Variants in TLL1 observed in about 807,000 individuals in gnomAD.
The protein encoded by TLL1 is tolloid like 1.
In TLL1, 49 loss-of-function variants were observed where a neutral mutation model predicts 128.2. The ratio of observed to expected loss-of-function variants is 0.38; its 90% CI spans 0.30 to 0.48. The LOEUF is 0.48. TLL1 is among the 20% of genes least tolerant of loss of function. The pLI, the probability that TLL1 is intolerant of heterozygous loss-of-function variation, is 0.96. For missense variants in TLL1, 1,123 were observed against 1,242.0 expected (o/e 0.90, Z 1.44); for synonymous variants, 454 against 418.8 (o/e 1.08, Z -1.03).
At chr4:166,018,292 A>T (rs1738045568) in intron 8 of TLL1, among the ~76,000 whole-genome samples, 1 of 152,170 alleles carries the variant, frequency 6.6e-6, no homozygotes, top group Non-Finnish European at 1.5e-5. Context: ...ATAACCATAT[A>T]CATAAATTAA....
intron 6 of TLL1, among the ~76,000 whole-genome samples, chr4:166,007,214 C>T (rs111406572): frequency 0.014 from 2,064 of 151,518 alleles, 47 homozygotes; most frequent in African/African-American, 0.047. Context: ...TTTCAAATTT[C>T]GAGAAATAAT....
At chr4:165,951,800 A>G (rs978642648) in intron 1 of TLL1, among the ~76,000 whole-genome samples, 1 of 152,148 alleles carries the variant, frequency 6.6e-6, no homozygotes, top group Non-Finnish European at 1.5e-5. Flanking sequence ...GAATATAAAC[A>G]TCTTGCTATA....
At chr4:165,994,979 C>A (rs562863609) in intron 4 of TLL1, 82 bp from the exon 5 acceptor site, 2 of 1,151,718 alleles carry the variant, frequency 1.7e-6, no homozygotes, top group African/African-American at 1.5e-5. Context: ...CACTGCTCAG[C>A]CAGACTTAGG....
At chr4:166,014,392 T>C in intron 7 of TLL1, 44 bp from the exon 8 acceptor site, 3 of 1,610,628 alleles carry the variant, frequency 1.9e-6, no homozygotes, top group Non-Finnish European at 2.5e-6. Flanking sequence ...TTCATGAGTT[T>C]TCATTTGGTG....
At chr4:166,052,087 T>C (rs1434311083) in intron 12 of TLL1, among the ~76,000 whole-genome samples, 1 of 152,124 alleles carries the variant, frequency 6.6e-6, no homozygotes, top group African/African-American at 2.4e-5. Context: ...GACCAGGCAA[T>C]ATATAAATTA....
chr4:166,017,802 C>A (rs532311884), intron 8 of TLL1, among the ~76,000 whole-genome samples: 2 of 152,100 alleles, frequency 1.3e-5, no homozygotes, highest in Admixed American at 1.3e-4. Flanking sequence ...AGCTTTGAGC[C>A]CTACATATAG....
chr4:166,035,836 G>T (rs899168810), intron 9 of TLL1, among the ~76,000 whole-genome samples: 1 of 152,048 alleles, frequency 6.6e-6, no homozygotes, highest in Non-Finnish European at 1.5e-5. Flanking sequence ...GAATGGTCCC[G>T]ATAGAACTTT....
chr4:166,098,208 G>A (rs923970126), intron 19 of TLL1, among the ~76,000 whole-genome samples: 25 of 151,850 alleles, frequency 1.6e-4, no homozygotes, highest in African/African-American at 3.9e-4. Flanking sequence ...GGTAGTGAGC[G>A]CCTGTAGTGC....
chr4:165,939,480 A>G (rs72970198), intron 1 of TLL1, among the ~76,000 whole-genome samples: 5,453 of 152,160 alleles, frequency 0.036, 292 homozygotes, highest in African/African-American at 0.12. Flanking sequence ...ATAGATCTGA[A>G]TAGGGTAAAA....
chr4:165,893,258 C>T (rs1324719012), intron 1 of TLL1, among the ~76,000 whole-genome samples: 2 of 152,094 alleles, frequency 1.3e-5, no homozygotes, highest in Non-Finnish European at 2.9e-5. Context: ...ATCATTGTGA[C>T]TGAAACAACT....
intron 18 of TLL1, among the ~76,000 whole-genome samples, chr4:166,090,649 G>T (rs1245756878): frequency 2.6e-5 from 4 of 151,974 alleles, no homozygotes; most frequent in Non-Finnish European, 4.4e-5. Flanking sequence ...TTTCATTTAT[G>T]CTATGAAGAT....
rs28591550 is a variant in TLL1 at position 166,001,911 on chromosome 4, C to T, written c.633-1480C>T. On this transcript the variant is annotated intron_variant, in intron 5 of 20. Coordinates refer to ENST00000061240, the MANE Select transcript of TLL1 (RefSeq NM_012464.5). ...ATTCTATTTGACAGTCCAGGAGATT[C>T]TTTCAGATGATGAAATAAAAAATCA... is the stretch of plus-strand genomic sequence containing the variant. Among the ~76,000 whole-genome samples the T allele has an allele frequency of 9.4e-3, 1,431 of 152,122 alleles. 28 individuals are homozygous for T. Among genetic ancestry groups the T allele is most frequent in the African/African-American group, 0.033 (1,354 of 41,482 alleles).
chr4:165,949,178 G>A (rs750225714), intron 1 of TLL1, among the ~76,000 whole-genome samples: 1 of 152,066 alleles, frequency 6.6e-6, no homozygotes, highest in African/African-American at 2.4e-5. Context: ...TTACCGGAGG[G>A]CAAGGTGAGG....
At chr4:165,941,177 G>A (rs543086668) in intron 1 of TLL1, among the ~76,000 whole-genome samples, 12 of 152,030 alleles carry the variant, frequency 7.9e-5, no homozygotes, top group South Asian at 4.1e-4. Context: ...TTTATGACTC[G>A]CGCTATTGCC....
chr4:166,054,034 C>CAT (rs1739883124), intron 12 of TLL1, among the ~76,000 whole-genome samples: 2 of 151,894 alleles, frequency 1.3e-5, no homozygotes, highest in Admixed American at 1.3e-4. Flanking sequence ...GGTCCATGAA[C>CAT]ATATAGTTCC....
At position 166,008,067 on chromosome 4, in the gene TLL1, A is replaced by G. The variant is rs773014832; in HGVS notation, c.917+19A>G. On this transcript the variant is annotated intron_variant, in intron 7 of 20. Coordinates refer to ENST00000061240, the MANE Select transcript of TLL1 (RefSeq NM_012464.5). ...TCTCAAGGTTGGAGTCTCAGGTTAT[A>G]CCTTTTGACTTTTAATTCCTTTCCT... The G allele has an allele frequency of 1.3e-6, 2 of 1,581,880 alleles. No homozygotes were observed. The highest frequency in any genetic ancestry group is 1.7e-6 in the Non-Finnish European group (2 of 1,152,028).
At chr4:166,095,953 A>T (rs1198852267) in intron 19 of TLL1, among the ~76,000 whole-genome samples, 2 of 152,156 alleles carry the variant, frequency 1.3e-5, no homozygotes, top group East Asian at 3.9e-4. Context: ...CACCGTATTT[A>T]AAAAGCATCT....
intron 7 of TLL1, among the ~76,000 whole-genome samples, chr4:166,010,314 A>AT (rs1466079496): frequency 6.6e-6 from 1 of 151,122 alleles, no homozygotes; most frequent in East Asian, 1.9e-4. Context: ...ATTTTTTGTT[A>AT]TTTGAATAGT....
chr4:165,983,279 T>C (rs1736237470), intron 1 of TLL1, among the ~76,000 whole-genome samples: 1 of 151,880 alleles, frequency 6.6e-6, no homozygotes. Flanking sequence ...TGATATGATA[T>C]TTCAATGGAT....
Sources: gnomAD v4.1 joint callset for allele counts (sites outside exome capture counted in the v4.1 genomes callset) on GRCh38, gnomAD v4.1.1 for gene constraint, MANE v1.5 for transcripts, NCBI Gene and HGNC (gene_info 2026-07-23, HGNC 2026-07-21) for gene names.